The following AFM variants were observed in gnomAD, a reference collection of about 807,000 sequenced individuals.
AFM encodes the protein afamin.
Under a neutral mutation model 68.7 loss-of-function variants are expected in AFM, and 82 were observed. The ratio of observed to expected loss-of-function variants is 1.19; its 90% CI spans 1.00 to 1.43. The LOEUF (loss-of-function observed/expected upper bound fraction) is 1.43, where lower values mean the gene tolerates loss of function less well. Ranked by LOEUF, AFM falls within the 40% of genes most tolerant of loss-of-function variation. The pLI, the probability that AFM is intolerant of heterozygous loss-of-function variation, is 0.00. For missense variants in AFM, 772 were observed against 701.8 expected, an observed-to-expected ratio of 1.10 and a Z score of -1.13; for synonymous variants, 250 against 234.2, an observed-to-expected ratio of 1.07 and a Z score of -0.61.
At chr4:73,494,291 G>T (rs954304720) in intron 8 of AFM, among the ~76,000 whole-genome samples, 2 of 152,080 alleles carry the variant, frequency 1.3e-5, no homozygotes, top group African/African-American at 4.8e-5. Context: ...AAAAATAGGG[G>T]TGGGGAGGGG....
intron 5 of AFM, among the ~76,000 whole-genome samples, chr4:73,487,370 G>A (rs180694936): frequency 6.6e-6 from 1 of 152,222 alleles, no homozygotes; most frequent in East Asian, 1.9e-4. Flanking sequence ...TGAATGCCCA[G>A]GGTGAATGAT....
intron 7 of AFM, among the ~76,000 whole-genome samples, chr4:73,491,206 T>C (rs1721061020): frequency 6.6e-6 from 1 of 152,176 alleles, no homozygotes; most frequent in South Asian, 2.1e-4. Context: ...TCCCAACTCT[T>C]ATGTAGAGGT....
At position 73,487,814 on chromosome 4, in the gene AFM, C is replaced by T; in HGVS notation, c.706C>T (p.His236Tyr). 1.3e-6 allele frequency: 2 copies of T among 1,595,402 alleles called. No individual in the cohort carries two copies. Among genetic ancestry groups the T allele is most frequent in the East Asian group, 2.2e-5 (1 of 44,736 alleles). ...ALLKFGTKVV[H>Y]FIYIAILSQK... The stretch of plus-strand genomic sequence containing the variant: ...TTTGAAATTTGGAACCAAAGTTGTA[C>T]ACTTTATGTGAGTTTTATACTATAT... Residue 236 changes from histidine (H) to tyrosine (Y), a missense_variant, in exon 6 of 15, where the codon CAC (histidine) becomes TAC (tyrosine). By Grantham distance (83) the His-to-Tyr change is moderately conservative. Transcript: ENST00000226355.
At chr4:73,486,512 A>T (rs951649637) in intron 4 of AFM, among the ~76,000 whole-genome samples, 3 of 152,220 alleles carry the variant, frequency 2.0e-5, no homozygotes, top group Non-Finnish European at 4.4e-5. Context: ...GCTCCTTGAA[A>T]TCTAAATCTA....
chr4:73,500,220 A>T lies in AFM; in HGVS notation c.1639A>T (p.Thr547Ser). 1 of 1,608,426 alleles carries T rather than the reference A, an allele frequency of 6.2e-7. No individual in the cohort carries two copies. The highest frequency in any genetic ancestry group is 8.5e-7 in the Non-Finnish European group (1 of 1,176,510). Residue 547 changes from threonine (T) to serine (S), a missense_variant, in exon 12 of 15, where the codon ACA becomes TCA. Physicochemically the swap from Thr to Ser is moderately conservative, Grantham distance 58. Transcript: ENST00000226355. ...TCAGAATGAGGAGCTTCAGAGGAAGACAGACAGGTACAAATAATCTCTTCC... is the reference window on the plus strand; with the variant it reads ...TCAGAATGAGGAGCTTCAGAGGAAGTCAGACAGGTACAAATAATCTCTTCC... ...QSQNEELQRK[T>S]DRFLVNLVKL...
Position 73,488,750 on chromosome 4 carries a change from C to T in AFM, c.834C>T (p.Ile278=), listed in dbSNP as rs773785430. The change falls in exon 7 of 15, where the codon ATC becomes ATT. Residue 278 remains isoleucine, a synonymous_variant. Transcript: ENST00000226355. ...GCCEGDVVQC[I]RDTSKVMNHI... is the part of the protein sequence containing the mutation. ...GTGAAGGGGATGTTGTGCAGTGCAT[C>T]CGTGACACGGTGAATATTCTCTAAA... 1.5e-5 allele frequency: 24 copies of T among 1,607,696 alleles called. No homozygotes were observed. In the South Asian group the frequency reaches 2.4e-4, roughly 16 times the overall value.
At position 73,499,244 on chromosome 4, in the gene AFM, T is replaced by G; in HGVS notation, c.1420T>G (p.Leu474Val). 1 of 1,607,360 alleles carries G rather than the reference T, an allele frequency of 6.2e-7. No homozygotes were observed. The highest frequency in any genetic ancestry group is 1.3e-5 in the African/African-American group (1 of 74,584). Residue 474 changes from leucine to valine, a missense_variant and splice_region_variant, in exon 11 of 15, where the codon TTG (leucine) becomes GTG (valine). By Grantham distance (32) the Leu-to-Val change is conservative. Transcript: ENST00000226355. ...TGAAGAGTTTGCCTGTGTTGATAATTTGGTGAGCATGGCCTGTGTACCAGA... is the reference window on the plus strand; with the variant it reads ...TGAAGAGTTTGCCTGTGTTGATAATGTGGTGAGCATGGCCTGTGTACCAGA... ...LSEEFACVDN[L>V]ADLVFGELCG... is the part of the protein sequence containing the mutation.
At chr4:73,499,283 T>C in intron 11 of AFM, 37 bp downstream of exon 11, 1 of 1,463,354 alleles carries the variant, frequency 6.8e-7, no homozygotes, top group Non-Finnish European at 9.1e-7. Context: ...CTCTTTTTTT[T>C]TTTTTTTAAA....
At chr4:73,502,546 A>G (rs1046981240) in intron 13 of AFM, among the ~76,000 whole-genome samples, 8 of 152,134 alleles carry the variant, frequency 5.3e-5, no homozygotes, top group African/African-American at 1.9e-4. Flanking sequence ...TGTTAGCCCC[A>G]ATGGATGGCT....
rs1208166360 is a variant in AFM at position 73,481,830 on chromosome 4, T to G, written c.55T>G (p.Ser19Ala). The change falls in exon 1 of 15, where the codon TCC (serine) becomes GCC (alanine). Residue 19 changes from serine to alanine, a missense_variant. By Grantham distance (99) the Ser-to-Ala change is moderately conservative. Coordinates refer to ENST00000226355, the MANE Select transcript of AFM (RefSeq NM_001133.2). ...TTTTTTCTTGTTTTTTTTGACTGAA[T>G]CCCTAACCCTGCCCACACAACCTCG... is the stretch of plus-strand genomic sequence containing the variant. Reference protein sequence around the residue: ...FIFFLFFLTESLTLPTQPRDI... With the variant: ...FIFFLFFLTEALTLPTQPRDI... The G allele has an allele frequency of 3.1e-6, 5 of 1,608,718 alleles. No homozygotes were observed. The highest frequency in any genetic ancestry group is 2.2e-5 in the South Asian group (2 of 89,616).
At chr4:73,502,785 GT>G (rs769546069) in intron 13 of AFM, among the ~76,000 whole-genome samples, 8 of 152,260 alleles carry the variant, frequency 5.3e-5, no homozygotes, top group Non-Finnish European at 8.8e-5. Context: ...CTAATTTTAA[GT>G]AAAGGATATT....
At chr4:73,486,494 G>T (rs1720906193) in intron 4 of AFM, among the ~76,000 whole-genome samples, 1 of 152,190 alleles carries the variant, frequency 6.6e-6, no homozygotes, top group East Asian at 1.9e-4. Context: ...TTTCTGGAAG[G>T]TTGGTATGCT....
At chr4:73,484,019 G>C (rs1171925896) in intron 2 of AFM, 30 bp downstream of exon 2, 1 of 1,488,758 alleles carries the variant, frequency 6.7e-7, no homozygotes, top group Non-Finnish European at 9.1e-7. Context: ...TTTTGATGAT[G>C]ATTTTTAAAA....
intron 3 of AFM, among the ~76,000 whole-genome samples, 154 bp downstream of exon 3, chr4:73,484,544 T>C (rs769695274): frequency 1.3e-5 from 2 of 151,154 alleles, no homozygotes; most frequent in Non-Finnish European, 2.9e-5. Context: ...TTTCCTTCTT[T>C]TTTTTTTCTT....
At chr4:73,486,891 C>T in intron 4 of AFM, 76 bp from the exon 5 acceptor site, 1 of 1,445,982 alleles carries the variant, frequency 6.9e-7, no homozygotes, top group Non-Finnish European at 9.5e-7. Context: ...CCTTCCCTTC[C>T]CTTCCCTTGT....
At position 73,491,873 on chromosome 4, in the gene AFM, G is replaced by A; in HGVS notation, c.845G>A (p.Ser282Asn). 1 of 1,611,972 alleles carries A rather than the reference G, an allele frequency of 6.2e-7. No individual in the cohort carries two copies. The highest frequency in any genetic ancestry group is 8.5e-7 in the Non-Finnish European group (1 of 1,178,758). ...GDVVQCIRDTSKVMNHICSKQ... is the reference protein window; with the variant it reads ...GDVVQCIRDTNKVMNHICSKQ... ...ATCTCTCATTCTTATTTGGTACAGA[G>A]CAAGGTTATGAACCATATTTGTTCA... Residue 282 changes from serine to asparagine, a missense_variant and splice_region_variant, in exon 8 of 15, where the codon AGC becomes AAC. Physicochemically the swap from Ser to Asn is conservative, Grantham distance 46. Transcript: ENST00000226355.
At position 73,488,749 on chromosome 4, in the gene AFM, T is replaced by C. The variant is rs1274885584; in HGVS notation, c.833T>C (p.Ile278Thr). Residue 278 changes from isoleucine (I) to threonine (T), a missense_variant, in exon 7 of 15, where the codon ATC becomes ACC. Coordinates refer to ENST00000226355, the MANE Select transcript of AFM (RefSeq NM_001133.2). The stretch of plus-strand genomic sequence containing the variant: ...TGTGAAGGGGATGTTGTGCAGTGCA[T>C]CCGTGACACGGTGAATATTCTCTAA... ...GCCEGDVVQCIRDTSKVMNHI... is the reference protein window; with the variant it reads ...GCCEGDVVQCTRDTSKVMNHI... 1 of 1,608,222 alleles carries C rather than the reference T, an allele frequency of 6.2e-7. No individual in the cohort carries two copies. Among genetic ancestry groups the C allele is most frequent in the South Asian group, 1.1e-5 (1 of 89,278 alleles).
intron 10 of AFM, among the ~76,000 whole-genome samples, 179 bp from the exon 11 acceptor site, chr4:73,498,935 A>C (rs969185495): frequency 6.6e-6 from 1 of 152,212 alleles, no homozygotes; most frequent in African/African-American, 2.4e-5. Flanking sequence ...AGATATAGGA[A>C]GCAGGGTGCA....
At chr4:73,497,870 G>A (rs933139734) in intron 10 of AFM, 121 bp downstream of exon 10, 1 of 526,954 alleles carries the variant, frequency 1.9e-6, no homozygotes. Context: ...ACTCTTGGAA[G>A]AATTTTTTTT....
Sources: gnomAD v4.1 joint callset for allele counts (sites outside exome capture counted in the v4.1 genomes callset) on GRCh38, gnomAD v4.1.1 for gene constraint, MANE v1.5 for transcripts, NCBI Gene and HGNC (gene_info 2026-07-23, HGNC 2026-07-21) for gene names.